Variants in ARPC1A observed in about 807,000 individuals in gnomAD.
ARPC1A encodes the protein actin related protein 2/3 complex subunit 1A.
A neutral mutation model predicts 46.9 loss-of-function variants in ARPC1A; 8 were observed. The observed-to-expected ratio is 0.17, with a 90% CI of 0.10 to 0.31. The LOEUF (loss-of-function observed/expected upper bound fraction) is 0.31. Among genes scored for constraint, ARPC1A ranks in the 10% least tolerant of loss-of-function variants. The pLI is 1.00. For missense variants in ARPC1A, 286 were observed against 483.6 expected (o/e 0.59, Z 3.83); for synonymous variants, 152 against 169.0 (o/e 0.90, Z 0.78).
At chr7:99,328,849 G>A (rs915180829) in intron 1 of ARPC1A, among the ~76,000 whole-genome samples, 5 of 152,250 alleles carry the variant, frequency 3.3e-5, no homozygotes, top group Admixed American at 1.3e-4. Context: ...TACTCAGGAG[G>A]CTAAAGTGGG....
chr7:99,345,337 T>C (rs1398854193), intron 4 of ARPC1A, among the ~76,000 whole-genome samples: 66 of 152,220 alleles, frequency 4.3e-4, no homozygotes, highest in Non-Finnish European at 1.5e-5. Context: ...CTTAGAAGTC[T>C]AATCAGCTAT....
intron 5 of ARPC1A, among the ~76,000 whole-genome samples, chr7:99,349,481 G>C (rs1225488116): frequency 6.6e-6 from 1 of 151,862 alleles, no homozygotes; most frequent in Non-Finnish European, 1.5e-5. Context: ...GAGGTGGGCG[G>C]ATCACCTGAG....
rs150476712 is a variant in ARPC1A at position 99,359,121 on chromosome 7, G to A, written c.790-424G>A. The stretch of plus-strand genomic sequence containing the variant: ...GCTGGGATTACAGGTGTGAGCCACC[G>A]TGCCCGGCCGCTCACTTTTAAGAGT... On this transcript the variant is annotated intron_variant, in intron 7 of 9. Coordinates refer to ENST00000262942, the MANE Select transcript of ARPC1A (RefSeq NM_006409.4). Among the ~76,000 whole-genome samples the A allele has an allele frequency of 7.7e-3, 1,167 of 150,698 alleles. 13 individuals carry two copies. Among genetic ancestry groups the A allele is most frequent in the African/African-American group, 0.027 (1,098 of 41,220 alleles).
At chr7:99,351,975 A>G (rs1392072726) in intron 5 of ARPC1A, among the ~76,000 whole-genome samples, 1 of 152,160 alleles carries the variant, frequency 6.6e-6, no homozygotes, top group African/African-American at 2.4e-5. Flanking sequence ...ACCTGCCTCC[A>G]TCTTAAGCTA....
At chr7:99,347,810 C>A (rs1231117900) in intron 4 of ARPC1A, among the ~76,000 whole-genome samples, 1 of 139,860 alleles carries the variant, frequency 7.2e-6, no homozygotes, top group Non-Finnish European at 1.5e-5. Context: ...GCCTGGACAA[C>A]AAGAGCGAAA....
chr7:99,361,477 AAAG>A (rs933574470), intron 8 of ARPC1A, among the ~76,000 whole-genome samples: 2 of 151,936 alleles, frequency 1.3e-5, no homozygotes, highest in Non-Finnish European at 2.9e-5. Flanking sequence ...AAAAAAAAAA[AAAG>A]AACCTGAAGG....
chr7:99,359,454 G>C, intron 7 of ARPC1A, 91 bp from the exon 8 acceptor site: 1 of 1,048,574 alleles, frequency 9.5e-7, no homozygotes, highest in Admixed American at 2.4e-5. Flanking sequence ...AAAAAAAAAA[G>C]AGTAAGAGAG....
At chr7:99,347,590 A>G (rs1793476345) in intron 4 of ARPC1A, among the ~76,000 whole-genome samples, 1 of 152,244 alleles carries the variant, frequency 6.6e-6, no homozygotes, top group East Asian at 1.9e-4. Flanking sequence ...CTATAATCCC[A>G]GCTATCGGGA....
chr7:99,359,836 G>C (rs1384806086), intron 8 of ARPC1A, 98 bp downstream of exon 8: 3 of 1,342,920 alleles, frequency 2.2e-6, no homozygotes, highest in Non-Finnish European at 3.1e-6. Flanking sequence ...ATGCCCCTCA[G>C]GCCCAGACAT....
At chr7:99,365,614 T>TAA (rs1793823628) in intron 9 of ARPC1A, among the ~76,000 whole-genome samples, 2 of 145,166 alleles carry the variant, frequency 1.4e-5, no homozygotes, top group Admixed American at 7.0e-5. Flanking sequence ...GACCCTATCT[T>TAA]TAAAAAAAAA....
chr7:99,344,872 T>C (rs1400493528), intron 4 of ARPC1A, among the ~76,000 whole-genome samples: 1 of 150,588 alleles, frequency 6.6e-6, no homozygotes, highest in East Asian at 1.9e-4. Flanking sequence ...TTCTTTTTTT[T>C]TTTTTTTCAC....
At chr7:99,341,991 T>A (rs1465237934) in intron 3 of ARPC1A, among the ~76,000 whole-genome samples, 1 of 152,230 alleles carries the variant, frequency 6.6e-6, no homozygotes, top group Non-Finnish European at 1.5e-5. Context: ...ATCAGGGATA[T>A]CAGAGTTCTG....
intron 2 of ARPC1A, among the ~76,000 whole-genome samples, chr7:99,335,122 G>C (rs902247526): frequency 1.5e-4 from 23 of 151,860 alleles, no homozygotes; most frequent in African/African-American, 5.6e-4. Context: ...GGGATTACAG[G>C]TGTAAGCCAC....
chr7:99,353,113 TTTATGTTATGTTATG>T (rs201492356), intron 5 of ARPC1A, among the ~76,000 whole-genome samples: 13,175 of 136,488 alleles, frequency 0.097, 1,080 homozygotes, highest in African/African-American at 0.23. Flanking sequence ...TTTAGTTTAG[TTTATGTTATGTTATG>T]TTATGTTATG....
chr7:99,339,208 C>T (rs1793318464), intron 3 of ARPC1A, among the ~76,000 whole-genome samples: 1 of 152,164 alleles, frequency 6.6e-6, no homozygotes, highest in Non-Finnish European at 1.5e-5. Context: ...TTTGCTATGA[C>T]ACCATTCCAG....
intron 9 of ARPC1A, among the ~76,000 whole-genome samples, chr7:99,365,007 G>A (rs1793809674): frequency 6.6e-6 from 1 of 152,142 alleles, no homozygotes; most frequent in Admixed American, 6.5e-5. Context: ...GTTTTGGAGG[G>A]AGGGACTGTG....
chr7:99,333,293 T>C, intron 1 of ARPC1A, 32 bp from the exon 2 acceptor site: 1 of 1,406,042 alleles, frequency 7.1e-7, no homozygotes, highest in Admixed American at 1.7e-5. Flanking sequence ...TTCCCTATTG[T>C]ATAAAATGCT....
At chr7:99,364,982 C>T (rs1793809065) in intron 9 of ARPC1A, among the ~76,000 whole-genome samples, 1 of 152,036 alleles carries the variant, frequency 6.6e-6, no homozygotes, top group Non-Finnish European at 1.5e-5. Context: ...TGAGCGGCAT[C>T]CTGAGTTGCG....
At chr7:99,350,631 CTTTTTTTTTTTT>C (rs540737612) in intron 5 of ARPC1A, among the ~76,000 whole-genome samples, 34 of 67,568 alleles carry the variant, frequency 5.0e-4, no homozygotes, top group South Asian at 1.4e-3. Flanking sequence ...ATGAGGTGCA[CTTTTTTTTTTTT>C]TTTTTTTTTT....
Sources: gnomAD v4.1 joint callset for allele counts (sites outside exome capture counted in the v4.1 genomes callset) on GRCh38, gnomAD v4.1.1 for gene constraint, MANE v1.5 for transcripts, NCBI Gene and HGNC (gene_info 2026-07-23, HGNC 2026-07-21) for gene names.